The following SDK1 variants were observed in gnomAD, a reference collection of about 807,000 sequenced individuals.
SDK1 encodes protein sidekick-1.
Under a neutral mutation model 245.5 loss-of-function variants are expected in SDK1, and 157 were observed. That is an observed-to-expected ratio of 0.64 (90% CI 0.56 to 0.73). The LOEUF (loss-of-function observed/expected upper bound fraction) is 0.73. Among genes scored for constraint, SDK1 ranks in the 30% least tolerant of loss-of-function variants. The pLI is 0.00. For synonymous variants in SDK1, 1,647 were observed against 1,278.5 expected, an observed-to-expected ratio of 1.29 and a Z score of -6.15; for missense variants, 3,583 against 3,002.3, an observed-to-expected ratio of 1.19 and a Z score of -4.52.
chr7:3,590,397 A>T (rs919431988), intron 1 of SDK1, among the ~76,000 whole-genome samples: 10 of 151,436 alleles, frequency 6.6e-5, no homozygotes, highest in African/African-American at 2.4e-4. Context: ...TTGGAAAATC[A>T]AACTCTGCAG....
At chr7:4,168,826 C>T (rs1781658110) in intron 32 of SDK1, among the ~76,000 whole-genome samples, 1 of 152,148 alleles carries the variant, frequency 6.6e-6, no homozygotes, top group African/African-American at 2.4e-5. Context: ...TGTCTGCTCG[C>T]CTCTTCGTCA....
At chr7:3,601,834 C>T (rs1229834697) in intron 1 of SDK1, among the ~76,000 whole-genome samples, 3 of 133,690 alleles carry the variant, frequency 2.2e-5, no homozygotes. Flanking sequence ...CCCCTTCCCC[C>T]ACCCCACAAC....
intron 1 of SDK1, among the ~76,000 whole-genome samples, chr7:3,426,092 T>C (rs921540155): frequency 6.6e-6 from 1 of 152,240 alleles, no homozygotes; most frequent in African/African-American, 2.4e-5. Context: ...TTCCAAGTAA[T>C]TTTGTTAAGC....
intron 1 of SDK1, chr7:3,476,109 T>C (rs2128600258): frequency 6.5e-6 from 1 of 152,782 alleles, no homozygotes; most frequent in South Asian, 2.1e-4. Flanking sequence ...CTGTTTTAGA[T>C]TAAGTGACTA....
intron 38 of SDK1, among the ~76,000 whole-genome samples, chr7:4,216,815 A>C (rs191166726): frequency 6.6e-6 from 1 of 152,206 alleles, no homozygotes; most frequent in Admixed American, 6.5e-5. Flanking sequence ...TACAGCATTT[A>C]CCCGGTATGG....
intron 35 of SDK1, among the ~76,000 whole-genome samples, chr7:4,184,247 A>G (rs922114256): frequency 6.6e-6 from 1 of 152,234 alleles, no homozygotes; most frequent in African/African-American, 2.4e-5. Flanking sequence ...AAAGGCTTTT[A>G]TGAAAACTAA....
intron 17 of SDK1, among the ~76,000 whole-genome samples, chr7:4,019,252 A>C (rs1171527257): frequency 6.6e-6 from 1 of 152,232 alleles, no homozygotes; most frequent in Non-Finnish European, 1.5e-5. Context: ...GCTGAACATT[A>C]GCTAACTGGA....
At chr7:4,079,194 G>A (rs976319315) in intron 21 of SDK1, among the ~76,000 whole-genome samples, 7 of 152,184 alleles carry the variant, frequency 4.6e-5, no homozygotes, top group African/African-American at 1.7e-4. Context: ...AAGACATGAC[G>A]TGTGCCTGCA....
chr7:3,485,439 C>G (rs896208106), intron 1 of SDK1, among the ~76,000 whole-genome samples: 6 of 152,220 alleles, frequency 3.9e-5, no homozygotes, highest in Admixed American at 3.3e-4. Context: ...AAGTCCCACA[C>G]TCACTTTGCT....
At chr7:3,409,981 C>T (rs1779156294) in intron 1 of SDK1, among the ~76,000 whole-genome samples, 1 of 152,090 alleles carries the variant, frequency 6.6e-6, no homozygotes, top group Non-Finnish European at 1.5e-5. Flanking sequence ...ATAAGTGCTT[C>T]ACAGACATGC....
Position 3,405,818 on chromosome 7 carries a change from T to C in SDK1, c.298+103934T>C, listed in dbSNP as rs538822056. On this transcript the variant is annotated intron_variant, in intron 1 of 44. Coordinates refer to ENST00000404826, the MANE Select transcript of SDK1 (RefSeq NM_152744.4). ...TTTCTTTTCTTTTCTTTCTTTCTTT[T>C]TTTTTTTTTTTTTTGAGAGAGTCTT... Among the ~76,000 whole-genome samples the C allele has an allele frequency of 1.4e-3, 208 of 148,808 alleles. 1 individual carries two copies. The highest frequency in any genetic ancestry group is 4.5e-3 in the African/African-American group (183 of 40,506).
chr7:3,770,089 G>T (rs1454202673), intron 4 of SDK1, among the ~76,000 whole-genome samples: 1 of 151,952 alleles, frequency 6.6e-6, no homozygotes, highest in Non-Finnish European at 1.5e-5. Flanking sequence ...GGCCGAAAGT[G>T]GTGAATGTAT....
At position 3,951,895 on chromosome 7, in the gene SDK1, G is replaced by T. The variant is rs757966785; in HGVS notation, c.1125G>T (p.Arg375Ser). The T allele has an allele frequency of 6.2e-7, 1 of 1,613,168 alleles. No homozygotes were observed. The highest frequency in any genetic ancestry group is 1.1e-5 in the South Asian group (1 of 91,034). Residue 375 changes from arginine to serine, a missense_variant, in exon 7 of 45, where the codon AGG becomes AGT. Transcript: ENST00000404826. ...ALPGSAFEPA[R>S]ATAFLFIIEP... ...CGGGGAGCGCTTTTGAACCGGCCAG[G>T]GCGACGGCCTTTCTTTTCATCATAG...
chr7:3,628,938 G>C (rs935689287), intron 2 of SDK1, among the ~76,000 whole-genome samples: 8 of 152,092 alleles, frequency 5.3e-5, no homozygotes, highest in African/African-American at 1.9e-4. Context: ...CTGAGTTGAA[G>C]AGAGCTGAGA....
intron 5 of SDK1, among the ~76,000 whole-genome samples, chr7:3,878,022 A>G (rs775863501): frequency 1.3e-5 from 2 of 152,246 alleles, no homozygotes; most frequent in Admixed American, 6.5e-5. Flanking sequence ...ACATATCACC[A>G]CATTCACTTT....
intron 8 of SDK1, among the ~76,000 whole-genome samples, chr7:3,960,115 T>C (rs1781567720): frequency 6.6e-6 from 1 of 152,216 alleles, no homozygotes; most frequent in Non-Finnish European, 1.5e-5. Context: ...GTTTTGCAAA[T>C]CTTCAAAACA....
At chr7:4,207,091 A>T (rs1197462565) in intron 36 of SDK1, among the ~76,000 whole-genome samples, 2 of 152,238 alleles carry the variant, frequency 1.3e-5, no homozygotes, top group African/African-American at 4.8e-5. Context: ...TAGACGGTCA[A>T]TTCAGTGAGC....
At chr7:3,929,523 A>G (rs1457425493) in intron 5 of SDK1, among the ~76,000 whole-genome samples, 4 of 152,120 alleles carry the variant, frequency 2.6e-5, no homozygotes, top group Non-Finnish European at 4.4e-5. Context: ...TCTTTTCCCC[A>G]AGACTGTGTT....
Position 4,266,113 on chromosome 7 carries a change from T to C in SDK1, c.*729T>C, listed in dbSNP as rs533721123. 2.3e-4 allele frequency: 223 copies of C among 985,464 alleles called. No homozygotes were observed. The African/African-American group carries it at 3.6e-3, about 16-fold the overall frequency. The allele number at this position is 985,464 out of a possible 1,614,324, so 61.0% of individuals were successfully genotyped here. A position where few individuals can be genotyped will look rare whatever the true frequency, so the allele number is the denominator to read the frequency against. ...CCTGACAGCGAGGGAGAGGGAAGCC[T>C]CTTAGGGCTGGAAGCCACCACGCTG... On this transcript the variant is annotated 3_prime_UTR_variant, in exon 45 of 45. Transcript: ENST00000404826.
Sources: allele counts gnomAD v4.1 joint callset (sites outside exome capture counted in the v4.1 genomes callset), GRCh38; gene constraint gnomAD v4.1.1; transcripts MANE v1.5; gene names NCBI Gene and HGNC (gene_info 2026-07-23, HGNC 2026-07-21).